Variants in HEMK2 observed in about 807,000 individuals in gnomAD.
The protein encoded by HEMK2 is HemK methyltransferase 2, ETF1 glutamine and histone H4 lysine.
chr21:28,809,308 G>GC, the HEMK2 span, among the ~76,000 whole-genome samples: 1 of 152,126 alleles, frequency 6.6e-6, no homozygotes, highest in Non-Finnish European at 1.5e-5. Context: ...AAATCATATT[G>GC]TTATGTATCA....
the HEMK2 span, among the ~76,000 whole-genome samples, chr21:28,855,803 T>TTC: frequency 6.6e-6 from 1 of 152,120 alleles, no homozygotes; most frequent in Non-Finnish European, 1.5e-5. Context: ...AATCAAGAAA[T>TTC]TCTTTGAAAC....
the HEMK2 span, among the ~76,000 whole-genome samples, chr21:28,859,841 T>C: frequency 3.3e-5 from 5 of 152,290 alleles, no homozygotes; most frequent in South Asian, 1.0e-3. Context: ...TAGGTCACTA[T>C]GTCCCCAAAA....
At chr21:28,788,200 GTA>G in the HEMK2 span, among the ~76,000 whole-genome samples, 8 of 111,898 alleles carry the variant, frequency 7.1e-5, no homozygotes, top group South Asian at 7.7e-4. Context: ...ACGTATATAC[GTA>G]TATATACGTA....
chr21:28,828,517 T>C, the HEMK2 span, among the ~76,000 whole-genome samples: 1 of 152,212 alleles, frequency 6.6e-6, no homozygotes, highest in Non-Finnish European at 1.5e-5. Context: ...AACACATTTG[T>C]AAATAAATTG....
the HEMK2 span, among the ~76,000 whole-genome samples, chr21:28,600,041 T>C: frequency 2.6e-5 from 4 of 152,174 alleles, no homozygotes; most frequent in Admixed American, 6.5e-5. Context: ...CAGACTGACA[T>C]TGAGTGTCTG....
chr21:28,722,580 T>C, the HEMK2 span, among the ~76,000 whole-genome samples: 280 of 152,298 alleles, frequency 1.8e-3, 1 homozygote, highest in African/African-American at 6.6e-3. Flanking sequence ...TGGTTATTCC[T>C]GGGAAGAAAG....
the HEMK2 span, among the ~76,000 whole-genome samples, chr21:28,629,612 A>C: frequency 2.6e-5 from 4 of 152,342 alleles, no homozygotes. Flanking sequence ...CAGCTCACTT[A>C]AAACATCATT....
chr21:28,595,533 G>A, the HEMK2 span, among the ~76,000 whole-genome samples: 1 of 152,122 alleles, frequency 6.6e-6, no homozygotes, highest in African/African-American at 2.4e-5. Context: ...TAGCTAAATA[G>A]TACTCCATTG....
chr21:28,682,862 T>G, the HEMK2 span, among the ~76,000 whole-genome samples: 6 of 152,112 alleles, frequency 3.9e-5, no homozygotes, highest in East Asian at 1.2e-3. Context: ...TGAGAACACA[T>G]GGACACAGGA....
the HEMK2 span, among the ~76,000 whole-genome samples, chr21:28,650,064 G>A: frequency 6.6e-6 from 1 of 152,092 alleles, no homozygotes; most frequent in African/African-American, 2.4e-5. Context: ...ATGAATGCAG[G>A]AAATGCACTG....
the HEMK2 span, among the ~76,000 whole-genome samples, chr21:28,602,172 G>A: frequency 1.6e-4 from 25 of 152,064 alleles, no homozygotes; most frequent in African/African-American, 5.3e-4. Flanking sequence ...ACTGGGCTTC[G>A]TTGGTTGTCT....
the HEMK2 span, among the ~76,000 whole-genome samples, chr21:28,816,565 C>T: frequency 2.0e-5 from 3 of 152,092 alleles, no homozygotes; most frequent in African/African-American, 7.2e-5. Flanking sequence ...CTTGTAGTCC[C>T]AGCTGCTTGG....
chr21:28,800,571 A>T, the HEMK2 span, among the ~76,000 whole-genome samples: 1 of 152,086 alleles, frequency 6.6e-6, no homozygotes. Context: ...ATGTGTATAG[A>T]TGTATCTGTG....
chr21:28,701,551 C>T, the HEMK2 span, among the ~76,000 whole-genome samples: 7 of 84,876 alleles, frequency 8.2e-5, no homozygotes, highest in African/African-American at 1.9e-4. Context: ...AATAGCCACA[C>T]ACACACATAC....
chr21:28,867,108 G>C, the HEMK2 span, among the ~76,000 whole-genome samples: 1 of 152,098 alleles, frequency 6.6e-6, no homozygotes, highest in African/African-American at 2.4e-5. Flanking sequence ...GGCATTATCA[G>C]GTAAAATGAA....
the HEMK2 span, among the ~76,000 whole-genome samples, chr21:28,655,529 T>G: frequency 6.6e-6 from 1 of 152,092 alleles, no homozygotes; most frequent in Non-Finnish European, 1.5e-5. Flanking sequence ...CAGCTCAGAC[T>G]GGTGGGTAAA....
chr21:28,622,691 T>A, the HEMK2 span, among the ~76,000 whole-genome samples: 1 of 152,080 alleles, frequency 6.6e-6, no homozygotes, highest in South Asian at 2.1e-4. Flanking sequence ...TCAACAACCA[T>A]CTGATCTTTG....
At chr21:28,876,412 A>G in the HEMK2 span, 1 of 1,611,150 alleles carries the variant, frequency 6.2e-7, no homozygotes, top group Non-Finnish European at 8.5e-7. Context: ...TGAGGACTGA[A>G]AGAGTTTCTT....
the HEMK2 span, among the ~76,000 whole-genome samples, chr21:28,749,947 A>T: frequency 6.6e-6 from 1 of 152,252 alleles, no homozygotes; most frequent in Admixed American, 6.5e-5. Context: ...TAGTTGAAAA[A>T]TAAAAATAAT....
Sources: gnomAD v4.1 joint callset for allele counts (sites outside exome capture counted in the v4.1 genomes callset) on GRCh38, gnomAD v4.1.1 for gene constraint, MANE v1.5 for transcripts, NCBI Gene and HGNC (gene_info 2026-07-23, HGNC 2026-07-21) for gene names.